ITFG1: variants seen among roughly 807,000 people sequenced by gnomAD.
The protein encoded by ITFG1 is integrin alpha FG-GAP repeat containing 1.
ITFG1 carries 34 observed loss-of-function variants against 81.8 expected under a neutral mutation model. The observed-to-expected ratio is 0.42, with a 90% CI of 0.32 to 0.55. ITFG1 has a LOEUF of 0.55. Among genes scored for constraint, ITFG1 ranks in the 20% least tolerant of loss-of-function variants. The pLI is 0.17. For missense variants in ITFG1, 672 were observed against 755.4 expected (o/e 0.89, Z 1.29); for synonymous variants, 285 against 270.6 (o/e 1.05, Z -0.52).
intron 6 of ITFG1, among the ~76,000 whole-genome samples, chr16:47,424,472 T>C (rs1015578619): frequency 9.2e-5 from 14 of 152,250 alleles, no homozygotes; most frequent in Non-Finnish European, 1.3e-4. Context: ...TTTGTTCTCT[T>C]GCTGGTGAGG....
chr16:47,209,399 CA>C (rs1302994002), intron 14 of ITFG1, among the ~76,000 whole-genome samples: 1 of 152,084 alleles, frequency 6.6e-6, no homozygotes, highest in Non-Finnish European at 1.5e-5. Flanking sequence ...GAACCTTATA[CA>C]AATATACAAT....
intron 10 of ITFG1, among the ~76,000 whole-genome samples, chr16:47,268,763 G>C (rs2151545232): frequency 6.6e-6 from 1 of 152,330 alleles, no homozygotes; most frequent in African/African-American, 2.4e-5. Flanking sequence ...AGTGAACACA[G>C]CATCTTGCAA....
chr16:47,293,781 G>A (rs1966945356), intron 10 of ITFG1, among the ~76,000 whole-genome samples: 1 of 151,886 alleles, frequency 6.6e-6, no homozygotes, highest in Non-Finnish European at 1.5e-5. Flanking sequence ...AATCAGATCT[G>A]TAGTTTAAAA....
rs150849233 is a variant in ITFG1, at chr16:47,391,924, G to A, written c.656-15984C>T. On this transcript the variant is annotated intron_variant, in intron 6 of 17. Coordinates refer to ENST00000320640, the MANE Select transcript of ITFG1 (RefSeq NM_030790.5). ...CCATTTTTCAAGGAATATTTATTGG[G>A]TGCTTAATATATGCCAAGTACTGTT... 6.2e-3 allele frequency among the ~76,000 whole-genome samples: 943 copies of A among 152,190 alleles called. 39 individuals carry two copies. The highest frequency in any genetic ancestry group is 0.057 in the Admixed American group (877 of 15,278).
intron 14 of ITFG1, among the ~76,000 whole-genome samples, chr16:47,189,007 A>G (rs1965260658): frequency 6.6e-6 from 1 of 151,972 alleles, no homozygotes; most frequent in Non-Finnish European, 1.5e-5. Flanking sequence ...TCAGTGATCC[A>G]CCTGCCTCAG....
intron 14 of ITFG1, among the ~76,000 whole-genome samples, chr16:47,194,222 C>A (rs1383846564): frequency 1.3e-5 from 2 of 152,214 alleles, no homozygotes; most frequent in Non-Finnish European, 2.9e-5. Flanking sequence ...CTGATCAATT[C>A]AGTCAATAAT....
chr16:47,337,125 C>T (rs1211901170), intron 8 of ITFG1, among the ~76,000 whole-genome samples: 3 of 116,578 alleles, frequency 2.6e-5, no homozygotes, highest in Non-Finnish European at 3.4e-5. Context: ...GTGACAAGAG[C>T]GAACTCTGTC....
At chr16:47,158,761 A>C in intron 17 of ITFG1, 112 bp downstream of exon 17, 1 of 553,264 alleles carries the variant, frequency 1.8e-6, no homozygotes, top group East Asian at 3.3e-5. Flanking sequence ...AAAAATGATG[A>C]AATTCTAGTC....
At chr16:47,246,031 G>A (rs1461341920) in intron 12 of ITFG1, among the ~76,000 whole-genome samples, 1 of 152,156 alleles carries the variant, frequency 6.6e-6, no homozygotes, top group Non-Finnish European at 1.5e-5. Context: ...GTTATTTTCT[G>A]TATAAGATAA....
chr16:47,313,144 G>A (rs1027955965), intron 9 of ITFG1: 1 of 152,228 alleles, frequency 6.6e-6, no homozygotes, highest in African/African-American at 2.4e-5. Flanking sequence ...TTAGAATGCT[G>A]ACTGTGTGAA....
intron 10 of ITFG1, among the ~76,000 whole-genome samples, chr16:47,296,760 G>A (rs1245457787): frequency 3.3e-5 from 5 of 151,974 alleles, no homozygotes; most frequent in East Asian, 3.9e-4. Flanking sequence ...GAGAATTTCC[G>A]TTGGTATTGA....
At chr16:47,227,854 G>T (rs1965774070) in intron 13 of ITFG1, among the ~76,000 whole-genome samples, 1 of 152,054 alleles carries the variant, frequency 6.6e-6, no homozygotes, top group Non-Finnish European at 1.5e-5. Context: ...TTATAGAGTG[G>T]ACTTAACTTT....
chr16:47,183,491 GC>G (rs1379441993), intron 14 of ITFG1, among the ~76,000 whole-genome samples: 3 of 152,198 alleles, frequency 2.0e-5, no homozygotes, highest in Non-Finnish European at 2.9e-5. Flanking sequence ...TGACCCCCAG[GC>G]AGCCTAACTG....
chr16:47,162,972 T>A (rs1656288974), intron 14 of ITFG1, among the ~76,000 whole-genome samples: 2 of 152,136 alleles, frequency 1.3e-5, no homozygotes, highest in Non-Finnish European at 2.9e-5. Context: ...CAGGCTCGGC[T>A]AATTTTTAAA....
At chr16:47,291,670 T>C (rs1353876042) in intron 10 of ITFG1, among the ~76,000 whole-genome samples, 1 of 152,064 alleles carries the variant, frequency 6.6e-6, no homozygotes, top group Non-Finnish European at 1.5e-5. Flanking sequence ...GTCTGGGTAA[T>C]TTGAAATGAC....
chr16:47,193,410 A>G (rs934085791), intron 14 of ITFG1, among the ~76,000 whole-genome samples: 3 of 152,146 alleles, frequency 2.0e-5, no homozygotes, highest in African/African-American at 7.2e-5. Context: ...CAAAAGGCCT[A>G]TTTTAGATTT....
chr16:47,429,231 G>A (rs146354496), intron 5 of ITFG1, among the ~76,000 whole-genome samples: 1 of 152,250 alleles, frequency 6.6e-6, no homozygotes, highest in East Asian at 1.9e-4. Flanking sequence ...TCTGTGTTTG[G>A]CTTCATTCAG....
intron 5 of ITFG1, among the ~76,000 whole-genome samples, chr16:47,433,859 T>A (rs1195597532): frequency 5.3e-3 from 6 of 1,136 alleles, no homozygotes; most frequent in East Asian, 0.02. Context: ...AAAAACTGAA[T>A]ATATATATAT....
intron 8 of ITFG1, among the ~76,000 whole-genome samples, chr16:47,349,988 C>T (rs371795144): frequency 6.6e-6 from 1 of 152,150 alleles, no homozygotes; most frequent in Non-Finnish European, 1.5e-5. Context: ...GAAATGAAGG[C>T]AGAAATAAAG....
Sources: gnomAD v4.1 joint callset for allele counts (sites outside exome capture counted in the v4.1 genomes callset) on GRCh38, gnomAD v4.1.1 for gene constraint, MANE v1.5 for transcripts, NCBI Gene and HGNC (gene_info 2026-07-23, HGNC 2026-07-21) for gene names.